Variants in TJP1 observed in about 807,000 individuals in gnomAD.
The protein encoded by TJP1 is tight junction protein ZO-1.
TJP1 carries 43 observed loss-of-function variants against 194.2 expected under a neutral mutation model. The ratio of observed to expected loss-of-function variants is 0.22; its 90% CI spans 0.17 to 0.29. The LOEUF is 0.29. TJP1 is among the 10% of genes least tolerant of loss of function. TJP1 has a pLI of 1.00. For missense variants in TJP1, 1,971 were observed against 2,185.7 expected (o/e 0.90, Z 1.96); for synonymous variants, 801 against 779.0 (o/e 1.03, Z -0.47).
intron 2 of TJP1, among the ~76,000 whole-genome samples, chr15:29,912,436 G>A (rs566107977): frequency 2.0e-5 from 3 of 152,172 alleles, no homozygotes; most frequent in Admixed American, 1.3e-4. Context: ...GGGGCCGGGC[G>A]TGGTGGCTCA....
intron 2 of TJP1, among the ~76,000 whole-genome samples, chr15:29,838,538 A>G (rs971474110): frequency 2.6e-5 from 4 of 152,230 alleles, no homozygotes; most frequent in African/African-American, 9.6e-5. Flanking sequence ...ACAATATTCA[A>G]ACCAAGAAAT....
At chr15:29,778,341 A>C (rs912803574) in intron 2 of TJP1, among the ~76,000 whole-genome samples, 1 of 152,144 alleles carries the variant, frequency 6.6e-6, no homozygotes, top group Non-Finnish European at 1.5e-5. Context: ...TTAAAAAAAA[A>C]AAAATAGCCC....
Position 29,847,742 on chromosome 15 carries a change from G to A in TJP1, c.307-47040C>T, listed in dbSNP as rs554682926. On this transcript the variant is annotated intron_variant, in intron 2 of 28. Transcript: ENST00000356107. ...GGAGGTTGCAGTGAGCAGAGATCGC[G>A]CTACTGCACTCCAGCCTGGGTGACA... 1.1e-4 allele frequency among the ~76,000 whole-genome samples: 17 copies of A among 152,122 alleles called. No individual in the cohort carries two copies. In the South Asian group the frequency reaches 2.3e-3, roughly 20 times the overall value.
chr15:29,954,941 G>A (rs373182554), intron 2 of TJP1, among the ~76,000 whole-genome samples: 1 of 151,964 alleles, frequency 6.6e-6, no homozygotes, highest in Non-Finnish European at 1.5e-5. Context: ...TTACCCAGGC[G>A]TGGTGGCGGG....
Position 29,822,054 on chromosome 15 carries a change from GGCTCCTCGGA to G in TJP1, c.-36_-27del, listed in dbSNP as rs2050420229. 1 of 1,298,812 alleles carries G rather than the reference GGCTCCTCGGA, an allele frequency of 7.7e-7. No homozygotes were observed. Among genetic ancestry groups the G allele is most frequent in the Admixed American group, 3.5e-5 (1 of 28,412 alleles). 80.5% of individuals were successfully genotyped at this position (1,298,812 alleles called of 1,614,324 possible). ...CTTGTCTCTCTCCAGCGCCGCGCGA[GGCTCCTCGGA>G]CCCGAAACTCCGCGGCGCTGGCCCG... On this transcript the variant is annotated 5_prime_UTR_variant, in exon 1 of 28. Transcript: ENST00000614355.
chr15:29,774,727 TTTAA>T (rs780393638), intron 2 of TJP1, among the ~76,000 whole-genome samples: 11 of 152,076 alleles, frequency 7.2e-5, no homozygotes, highest in Non-Finnish European at 1.2e-4. Context: ...AACTGCATAC[TTTAA>T]TTGTTTGGCA....
rs758417794 is a variant in TJP1, at chr15:29,709,019, C to A, written c.4390G>T (p.Asp1464Tyr). The change falls in exon 25 of 28, where the codon GAT (aspartate) becomes TAT (tyrosine). Residue 1464 changes from aspartate (D) to tyrosine (Y), a missense_variant. By Grantham distance (160) the Asp-to-Tyr change is radical (BLOSUM62 -3). Around this residue, in one of 5 missense-constraint regions of TJP1, gnomAD observed 1,108 missense variants for 1,128.5 expected, o/e 0.98. Coordinates refer to ENST00000614355, the MANE Select transcript of TJP1 (RefSeq NM_001330239.4). ...TTGGACACTAAGGAATTCTGAAAAT[C>A]CAATGACACTGAATTACCTGAAAAA... ...AHGEGNSVSL[D>Y]FQNSLVSKPD... The A allele has an allele frequency of 6.2e-7, 1 of 1,610,390 alleles. No homozygotes were observed. Among genetic ancestry groups the A allele is most frequent in the Non-Finnish European group, 8.5e-7 (1 of 1,178,270 alleles).
At chr15:29,771,727 C>T (rs1367888580) in intron 4 of TJP1, among the ~76,000 whole-genome samples, 2 of 151,816 alleles carry the variant, frequency 1.3e-5, no homozygotes, top group Non-Finnish European at 2.9e-5. Context: ...ATGGTGTGAA[C>T]CTAGGAGGCG....
At chr15:29,904,260 G>C (rs533925714) in intron 2 of TJP1, among the ~76,000 whole-genome samples, 3 of 152,094 alleles carry the variant, frequency 2.0e-5, no homozygotes, top group Admixed American at 1.3e-4. Context: ...ACTGCTCTGC[G>C]GAGATGAGAC....
chr15:29,828,188 T>C (rs2050732093), intron 2 of TJP1, among the ~76,000 whole-genome samples: 1 of 152,164 alleles, frequency 6.6e-6, no homozygotes, highest in South Asian at 2.1e-4. Context: ...AATATATGAA[T>C]ATAAGAATGT....
intron 2 of TJP1, among the ~76,000 whole-genome samples, chr15:29,833,093 C>G (rs1157173415): frequency 6.6e-6 from 1 of 151,860 alleles, no homozygotes; most frequent in African/African-American, 2.4e-5. Flanking sequence ...ATGTTGGATC[C>G]AGGTATAAGG....
intron 2 of TJP1, among the ~76,000 whole-genome samples, chr15:29,933,456 A>G (rs1488005512): frequency 6.6e-6 from 1 of 152,206 alleles, no homozygotes; most frequent in Non-Finnish European, 1.5e-5. Flanking sequence ...ATATTGTGGA[A>G]GAATGTCAAG....
At chr15:29,788,910 T>C (rs2047886940) in intron 2 of TJP1, among the ~76,000 whole-genome samples, 2 of 152,190 alleles carry the variant, frequency 1.3e-5, no homozygotes, top group Admixed American at 6.5e-5. Flanking sequence ...GGTTACCATC[T>C]GAAGCTACAC....
intron 2 of TJP1, among the ~76,000 whole-genome samples, chr15:29,949,487 ACCT>A (rs1194165262): frequency 3.6e-4 from 47 of 132,080 alleles, no homozygotes; most frequent in African/African-American, 1.2e-3. Flanking sequence ...CACAACCACC[ACCT>A]CCACCTCCAC....
At chr15:29,746,039 T>C (rs2044748677) in intron 8 of TJP1, among the ~76,000 whole-genome samples, 1 of 152,224 alleles carries the variant, frequency 6.6e-6, no homozygotes, top group Non-Finnish European at 1.5e-5. Flanking sequence ...TGTAAAAGAC[T>C]ATTAAAATTA....
intron 2 of TJP1, among the ~76,000 whole-genome samples, chr15:29,834,572 C>G (rs1276942113): frequency 6.6e-6 from 1 of 152,210 alleles, no homozygotes; most frequent in Non-Finnish European, 1.5e-5. Flanking sequence ...GTAAATGTTT[C>G]AAGTATCTTT....
At chr15:29,770,383 A>T (rs888476267) in intron 4 of TJP1, among the ~76,000 whole-genome samples, 3 of 152,086 alleles carry the variant, frequency 2.0e-5, no homozygotes, top group Non-Finnish European at 2.9e-5. Flanking sequence ...CGGTGAGCCA[A>T]GATCACGCTA....
At chr15:29,706,344 G>A (rs1595553246) in intron 25 of TJP1, among the ~76,000 whole-genome samples, 1 of 152,176 alleles carries the variant, frequency 6.6e-6, no homozygotes, top group East Asian at 1.9e-4. Context: ...TTAATGAATT[G>A]CAACCTGAAA....
chr15:29,933,787 A>T (rs1257671993), intron 2 of TJP1, among the ~76,000 whole-genome samples: 1 of 152,216 alleles, frequency 6.6e-6, no homozygotes, highest in Non-Finnish European at 1.5e-5. Flanking sequence ...AAACAAAAAC[A>T]CAAATGCCTG....
Sources: allele counts gnomAD v4.1 joint callset (sites outside exome capture counted in the v4.1 genomes callset), GRCh38; gene constraint gnomAD v4.1.1; regional missense constraint gnomAD v4.1.1; transcripts MANE v1.5; gene names NCBI Gene and HGNC (gene_info 2026-07-23, HGNC 2026-07-21).